The following TMEM236 variants were observed in gnomAD, a reference collection of about 807,000 sequenced individuals.
TMEM236 encodes family with sequence similarity 23, member A.
TMEM236 carries 11 observed loss-of-function variants against 14.7 expected under a neutral mutation model. That is an observed-to-expected ratio of 0.75 (90% CI 0.47 to 1.24). The LOEUF is 1.24. TMEM236 is among the 50% of genes most tolerant of loss of function. The probability of loss-of-function intolerance (pLI) is 0.00; values close to 1 mark genes in which losing one functional copy is unlikely to be tolerated. For synonymous variants in TMEM236, 182 were observed against 168.6 expected, an observed-to-expected ratio of 1.08 and a Z score of -0.62; for missense variants, 464 against 427.3, an observed-to-expected ratio of 1.09 and a Z score of -0.76.
Position 17,796,623 on chromosome 10 carries a change from A to G in TMEM236, c.*119A>G. 3 of 901,760 alleles carry G rather than the reference A, an allele frequency of 3.3e-6. No homozygotes were observed. Among genetic ancestry groups the G allele is most frequent in the South Asian group, 1.6e-5 (1 of 62,374 alleles). 55.9% of individuals were successfully genotyped at this position (901,760 alleles called of 1,614,324 possible). On this transcript the variant is annotated 3_prime_UTR_variant, in exon 4 of 4. Transcript: ENST00000377495. The stretch of plus-strand genomic sequence containing the variant: ...AAAGGAAATGACTAGATTGTAGAGA[A>G]TAAGCCATTTTTACTAACTCTAGCA...
Position 17,768,085 on chromosome 10 carries a change from G to GTTT in TMEM236, c.258-3224_258-3223insTTT, listed in dbSNP as rs1181734908. Among the ~76,000 whole-genome samples the GTTT allele has an allele frequency of 9.4e-3, 930 of 98,636 alleles. 54 individuals carry two copies. Among genetic ancestry groups the GTTT allele is most frequent in the Non-Finnish European group, 0.012 (587 of 48,624 alleles). 64.7% of individuals were successfully genotyped at this position (98,636 alleles called of 152,430 possible). ...ACCACCACACCTCGCTAATTTTTGTGGTTTTTTTTTTTTTTTTTTTTTTGT... is the reference window on the plus strand; with the variant it reads ...ACCACCACACCTCGCTAATTTTTGTGTTTGTTTTTTTTTTTTTTTTTTTTTTGT... On this transcript the variant is annotated intron_variant, in intron 1 of 3. Coordinates refer to ENST00000377495, the MANE Select transcript of TMEM236 (RefSeq NM_001098844.3).
At position 17,795,988 on chromosome 10, in the gene TMEM236, G is replaced by A; in HGVS notation, c.540G>A (p.Arg180=). The part of the protein sequence containing the change: ...QHIKTVTEQV[R]QSPENAASPQ... ...TAAAAACTGTGACGGAGCAAGTGAG[G>A]CAAAGTCCAGAAAACGCTGCATCTC... The change falls in exon 4 of 4, where the codon AGG becomes AGA. Residue 180 remains arginine (R), a synonymous_variant. Transcript: ENST00000377495. The A allele has an allele frequency of 1.2e-6, 2 of 1,613,894 alleles. No homozygotes were observed. The highest frequency in any genetic ancestry group is 1.7e-6 in the Non-Finnish European group (2 of 1,179,850).
chr10:17,778,316 A>T (rs1837692106), intron 3 of TMEM236, among the ~76,000 whole-genome samples: 1 of 152,236 alleles, frequency 6.6e-6, no homozygotes, highest in East Asian at 1.9e-4. Flanking sequence ...TGAATCATAC[A>T]TGCTTTTAAT....
intron 1 of TMEM236, among the ~76,000 whole-genome samples, chr10:17,770,160 A>G (rs1254361465): frequency 3.9e-5 from 6 of 152,222 alleles, no homozygotes; most frequent in Non-Finnish European, 7.3e-5. Context: ...TGCGAAGGAC[A>G]TGATTTCATT....
At chr10:17,763,887 T>G (rs1409391102) in intron 1 of TMEM236, among the ~76,000 whole-genome samples, 1 of 151,990 alleles carries the variant, frequency 6.6e-6, no homozygotes, top group Non-Finnish European at 1.5e-5. Flanking sequence ...TTGGGCAAAT[T>G]AATTCAGCCT....
At chr10:17,783,276 G>A (rs1175478214) in intron 3 of TMEM236, among the ~76,000 whole-genome samples, 3 of 152,146 alleles carry the variant, frequency 2.0e-5, no homozygotes, top group Non-Finnish European at 4.4e-5. Context: ...TGGGAATGTC[G>A]AGGGGCCCGT....
At chr10:17,795,360 C>A (rs1837994313) in intron 3 of TMEM236, among the ~76,000 whole-genome samples, 1 of 152,204 alleles carries the variant, frequency 6.6e-6, no homozygotes, top group Non-Finnish European at 1.5e-5. Flanking sequence ...CGTTCTTTAA[C>A]CTCTCAAGCC....
At position 17,755,664 on chromosome 10, in the gene TMEM236, G is replaced by A. The variant is rs1020352644; in HGVS notation, c.257+3112G>A. 5.7e-3 allele frequency among the ~76,000 whole-genome samples: 865 copies of A among 152,240 alleles called. 5 individuals are homozygous for A. The highest frequency in any genetic ancestry group is 0.02 in the African/African-American group (823 of 41,544). Reference sequence around the variant, plus strand: ...TCCACCTCTCACACCCTGTAGGGGTGGCTTTGACTGTCCAAGATTCCTGGC... The same window carrying A: ...TCCACCTCTCACACCCTGTAGGGGTAGCTTTGACTGTCCAAGATTCCTGGC... On this transcript the variant is annotated intron_variant, in intron 1 of 3. Coordinates refer to ENST00000377495, the MANE Select transcript of TMEM236 (RefSeq NM_001098844.3).
intron 3 of TMEM236, among the ~76,000 whole-genome samples, chr10:17,789,837 T>A (rs1359242307): frequency 6.6e-6 from 1 of 151,362 alleles, no homozygotes; most frequent in Admixed American, 6.6e-5. Flanking sequence ...CTGGCTAACA[T>A]GGTGAAACCC....
At chr10:17,775,912 C>T (rs1343306497) in intron 2 of TMEM236, 117 bp from the exon 3 acceptor site, 1 of 1,345,672 alleles carries the variant, frequency 7.4e-7, no homozygotes, top group African/African-American at 1.5e-5. Context: ...AACCAACCTT[C>T]TAGTTTTTTA....
intron 3 of TMEM236, among the ~76,000 whole-genome samples, chr10:17,794,943 G>A (rs965273569): frequency 3.3e-5 from 5 of 152,202 alleles, no homozygotes; most frequent in South Asian, 2.1e-4. Context: ...CAGGAGAATC[G>A]CTTGAACCCA....
chr10:17,774,509 A>C (rs1168111522), intron 2 of TMEM236, among the ~76,000 whole-genome samples: 1 of 151,296 alleles, frequency 6.6e-6, no homozygotes, highest in Non-Finnish European at 1.5e-5. Flanking sequence ...CATCCTTCCC[A>C]CATTTCTCTG....
intron 1 of TMEM236, 94 bp downstream of exon 1, chr10:17,752,646 A>C (rs1589136358): frequency 8.0e-7 from 1 of 1,250,446 alleles, no homozygotes; most frequent in East Asian, 2.3e-5. Context: ...GGCTCACTGC[A>C]ACGTCCGCCT....
chr10:17,755,951 T>C (rs1483514488), intron 1 of TMEM236, among the ~76,000 whole-genome samples: 5 of 152,350 alleles, frequency 3.3e-5, no homozygotes, highest in East Asian at 3.9e-4. Context: ...ATGTAAGTAC[T>C]GATATGAGGT....
chr10:17,789,810 A>T (rs1337191483), intron 3 of TMEM236, among the ~76,000 whole-genome samples: 1 of 152,082 alleles, frequency 6.6e-6, no homozygotes, highest in Non-Finnish European at 1.5e-5. Flanking sequence ...TCCCGAGGTC[A>T]GGAGATTGAG....
chr10:17,796,027 C>T lies in TMEM236; in HGVS notation c.579C>T (p.Asn193=), dbSNP rs1838007007. 3.1e-6 allele frequency: 5 copies of T among 1,613,978 alleles called. No homozygotes were observed. Among genetic ancestry groups the T allele is most frequent in the Middle Eastern group, 3.3e-4 (2 of 6,056 alleles). Residue 193 remains asparagine (N), a synonymous_variant, in exon 4 of 4, where the codon AAC becomes AAT. Transcript: ENST00000377495. ...ACGCTGCATCTCCCCAGGCAACCAA[C>T]AGCACCCAGGTGTCGCAGCCATCAG... is the stretch of plus-strand genomic sequence containing the variant. The part of the protein sequence containing the change: ...PENAASPQAT[N]STQVSQPSGA...
At position 17,796,834 on chromosome 10, in the gene TMEM236, G is replaced by T. The variant is rs1045115409; in HGVS notation, c.*330G>T. On this transcript the variant is annotated 3_prime_UTR_variant, in exon 4 of 4. Transcript: ENST00000377495. Reference sequence around the variant, plus strand: ...TCCGTGATCTGTTAGCAAGCAGACCGCACAGCACGTGGTGAACCTCAAACT... The same window carrying T: ...TCCGTGATCTGTTAGCAAGCAGACCTCACAGCACGTGGTGAACCTCAAACT... 1.1e-4 allele frequency: 38 copies of T among 341,070 alleles called. No homozygotes were observed. Among genetic ancestry groups the T allele is most frequent in the African/African-American group, 6.5e-4 (30 of 46,350 alleles). The allele number at this position is 341,070 out of a possible 1,614,324, so 21.1% of individuals were successfully genotyped here.
In TMEM236 at chr10:17,797,734, A is replaced by G. The variant is rs1249673414; in HGVS notation, c.*1230A>G. On this transcript the variant is annotated 3_prime_UTR_variant, in exon 4 of 4. Transcript: ENST00000377495. ...TAAAAAGCAATTCACTTTAACAGAT[A>G]TTTGGCTCAGTTTAAGGCTTAGCTG... 2 of 152,200 alleles carry G rather than the reference A, an allele frequency of 1.3e-5. No homozygotes were observed. The highest frequency in any genetic ancestry group is 2.4e-5 in the African/African-American group (1 of 41,450). The allele number at this position is 152,200 out of a possible 1,614,324, so 9.4% of individuals were successfully genotyped here. A position where few individuals can be genotyped will look rare whatever the true frequency, so the allele number is the denominator to read the frequency against.
Position 17,776,077 on chromosome 10 carries a change from C to A in TMEM236, c.379C>A (p.Pro127Thr). The change falls in exon 3 of 4, where the codon CCT (proline) becomes ACT (threonine). Residue 127 changes from proline (P) to threonine (T), a missense_variant. Coordinates refer to ENST00000377495, the MANE Select transcript of TMEM236 (RefSeq NM_001098844.3). ...CGCTGATGTCTTACCTGATATGTTA[C>A]CTGACCTGCCCGTATCTCTGGTTCT... is the stretch of plus-strand genomic sequence containing the variant. Reference protein sequence around the residue: ...GSADVLPDMLPDLPVSLVLLS... With the variant: ...GSADVLPDMLTDLPVSLVLLS... 6.2e-7 allele frequency: 1 copy of A among 1,613,868 alleles called. No homozygotes were observed. The highest frequency in any genetic ancestry group is 8.5e-7 in the Non-Finnish European group (1 of 1,179,826).
Sources: allele counts gnomAD v4.1 joint callset (sites outside exome capture counted in the v4.1 genomes callset), GRCh38; gene constraint gnomAD v4.1.1; transcripts MANE v1.5; gene names NCBI Gene and HGNC (gene_info 2026-07-23, HGNC 2026-07-21).